The following ZSWIM5 variants were observed in gnomAD, a reference collection of about 807,000 sequenced individuals.
ZSWIM5 encodes zinc finger SWIM domain-containing protein 5.
Under a neutral mutation model 119.6 loss-of-function variants are expected in ZSWIM5, and 55 were observed. The ratio of observed to expected loss-of-function variants is 0.46; its 90% confidence interval spans 0.37 to 0.58. The LOEUF is 0.58. ZSWIM5 is among the 20% of genes least tolerant of loss of function. The pLI, the probability that ZSWIM5 is intolerant of heterozygous loss-of-function variation, is 0.00. For missense variants in ZSWIM5, 1,193 were observed against 1,512.8 expected (o/e 0.79, Z 3.51); for synonymous variants, 537 against 606.9 (o/e 0.88, Z 1.69).
chr1:45,132,449 A>T (rs1379483595), intron 1 of ZSWIM5, among the ~76,000 whole-genome samples: 1 of 152,132 alleles, frequency 6.6e-6, no homozygotes, highest in Non-Finnish European at 1.5e-5. Context: ...TTCTCTATGC[A>T]ATACTAGAAT....
At chr1:45,115,431 G>C (rs1407020211) in intron 1 of ZSWIM5, among the ~76,000 whole-genome samples, 1 of 150,056 alleles carries the variant, frequency 6.7e-6, no homozygotes, top group African/African-American at 2.5e-5. Context: ...CGGGGCGGCC[G>C]GGCAGAGACG....
intron 1 of ZSWIM5, 143 bp downstream of exon 1, chr1:45,205,613 A>C (rs1401674197): frequency 1.2e-6 from 1 of 846,252 alleles, no homozygotes; most frequent in Non-Finnish European, 1.6e-6. Context: ...AGGTTGAAAA[A>C]AGTTTTTGTG....
intron 11 of ZSWIM5, among the ~76,000 whole-genome samples, chr1:45,025,940 T>C (rs1233995144): frequency 6.6e-6 from 1 of 152,250 alleles, no homozygotes; most frequent in Non-Finnish European, 1.5e-5. Flanking sequence ...ACTTCTAGTA[T>C]GATGCTGAAT....
chr1:45,088,739 T>C lies in ZSWIM5; in HGVS notation c.596-502A>G, dbSNP rs1645346452. ...GAAGATCAAAGAAGACTAAGGAAAA[T>C]AATTCTTCTTTAAAACATAAAATTT... On this transcript the variant is annotated intron_variant, in intron 1 of 13. Transcript: ENST00000359600. This position sits in a 1 kb window ranked among gnomAD's most constrained non-coding sequence, Gnocchi z 4.2. 6.6e-6 allele frequency among the ~76,000 whole-genome samples: 1 copy of C among 151,874 alleles called. No homozygotes were observed.
intron 1 of ZSWIM5, among the ~76,000 whole-genome samples, chr1:45,172,524 T>C (rs186069441): frequency 6.6e-6 from 1 of 152,274 alleles, no homozygotes; most frequent in East Asian, 1.9e-4. Flanking sequence ...TGCAACATGA[T>C]AATGAATGGC....
chr1:45,150,423 AAC>A (rs1426144455), intron 1 of ZSWIM5, among the ~76,000 whole-genome samples: 1 of 152,138 alleles, frequency 6.6e-6, no homozygotes, highest in African/African-American at 2.4e-5. Flanking sequence ...TGCTGTGGAA[AAC>A]AGTTTGCCAG....
intron 1 of ZSWIM5, among the ~76,000 whole-genome samples, chr1:45,127,585 G>C (rs1645629219): frequency 6.6e-6 from 1 of 151,316 alleles, no homozygotes; most frequent in African/African-American, 2.4e-5. Context: ...TGCACACCAC[G>C]ATGCCAGGCT....
intron 1 of ZSWIM5, among the ~76,000 whole-genome samples, chr1:45,181,817 C>T (rs373495741): frequency 6.6e-6 from 1 of 152,014 alleles, no homozygotes; most frequent in Non-Finnish European, 1.5e-5. Context: ...CAGAATTTCA[C>T]ATCCAGCCAA....
Position 45,018,281 on chromosome 1 carries a change from G to C in ZSWIM5, c.*173C>G. On this transcript the variant is annotated 3_prime_UTR_variant, in exon 14 of 14. Coordinates refer to ENST00000359600, the MANE Select transcript of ZSWIM5 (RefSeq NM_020883.2). This position sits in a 1 kb window ranked among gnomAD's most constrained non-coding sequence, Gnocchi z 6.7. The stretch of plus-strand genomic sequence containing the variant: ...TAGGCTGTAGTCAGAAGCTTGCCAA[G>C]GTAGGCATTATCGACTAGAGCTGGA... 1.3e-6 allele frequency: 1 copy of C among 796,958 alleles called. No individual in the cohort carries two copies. The highest frequency in any genetic ancestry group is 1.9e-6 in the Non-Finnish European group (1 of 516,728). 49.4% of individuals were successfully genotyped at this position (796,958 alleles called of 1,614,324 possible). A position where few individuals can be genotyped will look rare whatever the true frequency, so the allele number is the denominator to read the frequency against.
intron 4 of ZSWIM5, 45 bp downstream of exon 4, chr1:45,058,564 G>A (rs1645135662): frequency 6.2e-7 from 1 of 1,610,832 alleles, no homozygotes; most frequent in South Asian, 1.1e-5. Context: ...TTGCCACAGG[G>A]CAAGATGGTA....
rs1239063774 is a variant in ZSWIM5, at chr1:45,020,675, T to C, written c.2563A>G (p.Ser855Gly). The C allele has an allele frequency of 1.5e-5, 24 of 1,614,156 alleles. No homozygotes were observed. The highest frequency in any genetic ancestry group is 1.9e-5 in the Non-Finnish European group (23 of 1,180,014). Residue 855 changes from serine (S) to glycine (G), a missense_variant, in exon 12 of 14, where the codon AGT (serine) becomes GGT (glycine). Ser to Gly is a moderately conservative substitution (Grantham distance 56). Transcript: ENST00000359600. The stretch of plus-strand genomic sequence containing the variant: ...TTGAGCAGGGTGCTGTCAGTACTAC[T>C]GTCGGTGGGAGTAGCAATCTTGAAT... Reference protein sequence around the residue: ...DAFKIATPTDSSTDSTLLNVA... With the variant: ...DAFKIATPTDGSTDSTLLNVA...
At chr1:45,101,946 G>A (rs1245312753) in intron 1 of ZSWIM5, among the ~76,000 whole-genome samples, 1 of 151,798 alleles carries the variant, frequency 6.6e-6, no homozygotes, top group Non-Finnish European at 1.5e-5. Context: ...TGTAAATGAC[G>A]AGTTAATGAG....
chr1:45,164,797 G>A (rs1387589138), intron 1 of ZSWIM5, among the ~76,000 whole-genome samples: 1 of 152,016 alleles, frequency 6.6e-6, no homozygotes, highest in East Asian at 1.9e-4. Context: ...CCCAATACAG[G>A]AGCACCCAGA....
chr1:45,081,285 T>C (rs1356217451), intron 2 of ZSWIM5, among the ~76,000 whole-genome samples: 2 of 149,012 alleles, frequency 1.3e-5, no homozygotes, highest in Non-Finnish European at 3.0e-5. Context: ...CTCCCCATGG[T>C]CTCCCTCTCC....
At position 45,164,520 on chromosome 1, in the gene ZSWIM5, AC is replaced by A. The variant is rs1451619085; in HGVS notation, c.595+41235del. 5.9e-5 allele frequency among the ~76,000 whole-genome samples: 9 copies of A among 152,236 alleles called. No homozygotes were observed. In the East Asian group the frequency reaches 1.3e-3, roughly 23 times the overall value. On this transcript the variant is annotated intron_variant, in intron 1 of 13. Coordinates refer to ENST00000359600, the MANE Select transcript of ZSWIM5 (RefSeq NM_020883.2). ...TAAATGCTCCAATTAAAAGACACAG[AC>A]TGGCAAATTGGATAAAGAGTCAAGA... is the stretch of plus-strand genomic sequence containing the variant.
At chr1:45,079,213 A>C (rs957672590) in intron 2 of ZSWIM5, among the ~76,000 whole-genome samples, 1 of 151,748 alleles carries the variant, frequency 6.6e-6, no homozygotes, top group Non-Finnish European at 1.5e-5. Context: ...TACCTACCCA[A>C]ATCTTATAAA....
rs367825053 is a variant in ZSWIM5, at chr1:45,058,743, C to T, written c.1118G>A (p.Arg373Gln). The change falls in exon 4 of 14, where the codon CGG (arginine) becomes CAG (glutamine). Residue 373 changes from arginine (R) to glutamine (Q), a missense_variant. Physicochemically the swap from Arg to Gln is conservative, Grantham distance 43. Around this residue, in one of 2 missense-constraint regions of ZSWIM5, gnomAD observed 961 missense variants for 1,290.0 expected, o/e 0.74. Transcript: ENST00000359600. ...SMFAKVREML[R>Q]MRDSNGARML... ...CCTTGCTCCATTGGAATCTCTCATC[C>T]GCAGCATTTCTCGAACCTGACACAT... The T allele has an allele frequency of 2.9e-5, 46 of 1,613,962 alleles. No homozygotes were observed. In the Admixed American group the frequency reaches 5.5e-4, roughly 19 times the overall value.
In ZSWIM5 at chr1:45,019,374, C is replaced by T; in HGVS notation, c.2696-58G>A. The T allele has an allele frequency of 6.4e-7, 1 of 1,550,914 alleles. No individual in the cohort carries two copies. The highest frequency in any genetic ancestry group is 8.7e-7 in the Non-Finnish European group (1 of 1,153,976). On this transcript the variant is annotated intron_variant, in intron 13 of 13. Transcript: ENST00000359600. This position sits in a 1 kb window ranked among gnomAD's most constrained non-coding sequence, Gnocchi z 5.0. ...ATCTGGGTCCTGATTCAGGTCTACC[C>T]AGATTACCATTTGGGGTTTGAACTT...
intron 1 of ZSWIM5, among the ~76,000 whole-genome samples, chr1:45,204,060 G>A (rs1244749854): frequency 1.3e-5 from 2 of 152,000 alleles, no homozygotes. Flanking sequence ...ATTTAAACAT[G>A]ATCTAGATTA....
Sources: allele counts gnomAD v4.1 joint callset (sites outside exome capture counted in the v4.1 genomes callset), GRCh38; gene constraint gnomAD v4.1.1; regional missense constraint gnomAD v4.1.1; non-coding constraint Gnocchi (gnomAD v3.1); transcripts MANE v1.5; gene names NCBI Gene and HGNC (gene_info 2026-07-23, HGNC 2026-07-21).